Variants in CCDC102B observed in about 807,000 individuals in gnomAD.
CCDC102B encodes the protein coiled-coil domain-containing protein 102B.
In CCDC102B, 75 loss-of-function variants were observed where a neutral mutation model predicts 57.4. The observed-to-expected ratio is 1.31, with a 90% confidence interval of 1.08 to 1.58. CCDC102B has a LOEUF of 1.58. Ranked by LOEUF, CCDC102B falls within the 40% of genes most tolerant of loss-of-function variation. The pLI, the probability that CCDC102B is intolerant of heterozygous loss-of-function variation, is 0.00. For missense variants in CCDC102B, 636 were observed against 582.6 expected, an observed-to-expected ratio of 1.09 and a Z score of -0.94; for synonymous variants, 206 against 201.9, an observed-to-expected ratio of 1.02 and a Z score of -0.17.
intron 2 of CCDC102B, among the ~76,000 whole-genome samples, chr18:68,771,709 A>G (rs1039147096): frequency 6.6e-6 from 1 of 152,202 alleles, no homozygotes; most frequent in East Asian, 1.9e-4. Context: ...CAGAATATCA[A>G]TTTTCAACTG....
intron 2 of CCDC102B, among the ~76,000 whole-genome samples, chr18:68,745,100 A>G (rs892523957): frequency 1.3e-5 from 2 of 152,060 alleles, no homozygotes; most frequent in African/African-American, 4.8e-5. Flanking sequence ...TTACCTTCCC[A>G]GTTACTCCCC....
At chr18:68,957,928 G>T (rs148916980) in intron 6 of CCDC102B, among the ~76,000 whole-genome samples, 1 of 151,898 alleles carries the variant, frequency 6.6e-6, no homozygotes, top group Admixed American at 6.6e-5. Context: ...GCATGTATTT[G>T]TCCGTTTTCA....
intron 2 of CCDC102B, among the ~76,000 whole-genome samples, chr18:68,789,969 T>A (rs1241034326): frequency 1.3e-5 from 2 of 151,296 alleles, no homozygotes; most frequent in Non-Finnish European, 2.9e-5. Flanking sequence ...TTTTATCTAC[T>A]TTTGGTCTTT....
At chr18:68,738,999 T>G (rs1488168088) in intron 2 of CCDC102B, among the ~76,000 whole-genome samples, 1 of 141,726 alleles carries the variant, frequency 7.1e-6, no homozygotes, top group Non-Finnish European at 1.6e-5. Context: ...CAGCCTTTTG[T>G]TTTTTTTTTT....
At chr18:68,889,297 G>T (rs1261310120) in intron 5 of CCDC102B, among the ~76,000 whole-genome samples, 4 of 152,172 alleles carry the variant, frequency 2.6e-5, no homozygotes, top group Non-Finnish European at 4.4e-5. Flanking sequence ...CTTCCAACAC[G>T]TGAAGACACA....
In CCDC102B at chr18:68,999,342, A is replaced by T. The variant is rs1351526336; in HGVS notation, c.1264-11592A>T. 2.6e-5 allele frequency among the ~76,000 whole-genome samples: 4 copies of T among 152,108 alleles called. No individual in the cohort carries two copies. The East Asian group carries it at 7.7e-4, about 29-fold the overall frequency. Reference sequence around the variant, plus strand: ...CCTGGCACATTGGCTCACACCTATAATCCCAGCACTTTGGGAGGCTGAGGC... The same window carrying T: ...CCTGGCACATTGGCTCACACCTATATTCCCAGCACTTTGGGAGGCTGAGGC... On this transcript the variant is annotated intron_variant, in intron 6 of 7. Transcript: ENST00000360242.
intron 7 of CCDC102B, among the ~76,000 whole-genome samples, chr18:69,012,787 T>C (rs1008377463): frequency 1.3e-5 from 2 of 152,152 alleles, no homozygotes; most frequent in African/African-American, 4.8e-5. Flanking sequence ...GAAAGTCGTG[T>C]TTATTGTTGG....
chr18:68,897,110 C>T (rs2040269034), intron 5 of CCDC102B, 109 bp from the exon 6 acceptor site: 4 of 743,056 alleles, frequency 5.4e-6, no homozygotes, highest in Non-Finnish European at 6.7e-6. Context: ...AAAATTGTAT[C>T]AGTGGACATA....
chr18:69,043,128 A>G (rs1489171872), intron 7 of CCDC102B, among the ~76,000 whole-genome samples: 1 of 152,132 alleles, frequency 6.6e-6, no homozygotes, highest in Non-Finnish European at 1.5e-5. Context: ...AGGTCTTTGC[A>G]TCATAGACAA....
At chr18:68,842,192 G>T (rs2037665439) in intron 3 of CCDC102B, among the ~76,000 whole-genome samples, 1 of 150,562 alleles carries the variant, frequency 6.6e-6, no homozygotes, top group African/African-American at 2.4e-5. Flanking sequence ...ATGTATGAAA[G>T]ACACAGATTT....
intron 4 of CCDC102B, among the ~76,000 whole-genome samples, chr18:68,862,989 T>A (rs563743818): frequency 3.3e-5 from 5 of 152,010 alleles, no homozygotes; most frequent in African/African-American, 1.2e-4. Context: ...ACATAGAGAC[T>A]TACTTATCAC....
At chr18:68,911,055 C>G (rs934820747) in intron 6 of CCDC102B, among the ~76,000 whole-genome samples, 1 of 152,072 alleles carries the variant, frequency 6.6e-6, no homozygotes, top group Non-Finnish European at 1.5e-5. Context: ...AAAACAGAAC[C>G]GCCGTTCAAC....
intron 5 of CCDC102B, among the ~76,000 whole-genome samples, chr18:68,881,791 C>G (rs1173214543): frequency 6.6e-6 from 1 of 152,064 alleles, no homozygotes; most frequent in Non-Finnish European, 1.5e-5. Flanking sequence ...CTCTCCCATT[C>G]TCTCTGTCTC....
intron 1 of CCDC102B, among the ~76,000 whole-genome samples, chr18:68,801,312 G>C (rs1175727731): frequency 2.0e-5 from 3 of 152,084 alleles, no homozygotes; most frequent in Non-Finnish European, 4.4e-5. Context: ...TTGTGAGCTT[G>C]AGACCTTGAT....
chr18:68,784,808 T>C (rs2035134900), intron 2 of CCDC102B, among the ~76,000 whole-genome samples: 1 of 151,988 alleles, frequency 6.6e-6, no homozygotes, highest in Admixed American at 6.6e-5. Context: ...CCATAGATTA[T>C]GCTATCAGCA....
intron 7 of CCDC102B, among the ~76,000 whole-genome samples, chr18:69,016,007 A>G (rs994153882): frequency 6.9e-6 from 1 of 143,914 alleles, no homozygotes; most frequent in African/African-American, 2.6e-5. Flanking sequence ...GGTGCCCACC[A>G]CCATGCCTGG....
intron 2 of CCDC102B, among the ~76,000 whole-genome samples, chr18:68,748,900 T>A (rs2033735396): frequency 6.6e-6 from 1 of 152,200 alleles, no homozygotes; most frequent in Non-Finnish European, 1.5e-5. Flanking sequence ...GGGACATGCA[T>A]GGTTTTAGGT....
At chr18:68,810,671 CT>C (rs34731465) in intron 1 of CCDC102B, among the ~76,000 whole-genome samples, 13,912 of 68,910 alleles carry the variant, frequency 0.2, 1,250 homozygotes, top group East Asian at 0.31. Flanking sequence ...ATTTTCTTTT[CT>C]TTTCTTTGTT....
chr18:68,753,949 A>AT (rs2033954672), intron 2 of CCDC102B: 1 of 152,144 alleles, frequency 6.6e-6, no homozygotes. Context: ...AATAAAAATG[A>AT]TTCAAATATT....
Sources: gnomAD v4.1 joint callset for allele counts (sites outside exome capture counted in the v4.1 genomes callset) on GRCh38, gnomAD v4.1.1 for gene constraint, MANE v1.5 for transcripts, NCBI Gene and HGNC (gene_info 2026-07-23, HGNC 2026-07-21) for gene names.